Variants in WDR64 observed in about 807,000 individuals in gnomAD.
WDR64 encodes WD repeat-containing protein 64.
WDR64 carries 112 observed loss-of-function variants against 139.3 expected under a neutral mutation model. That is an observed-to-expected ratio of 0.80 (90% CI 0.69 to 0.94). WDR64 has a LOEUF of 0.94. Ranked by LOEUF, WDR64 falls within the 40% of genes least tolerant of loss-of-function variation. The pLI is 0.00. For synonymous variants in WDR64, 444 were observed against 437.7 expected, an observed-to-expected ratio of 1.01 and a Z score of -0.18; for missense variants, 1,206 against 1,293.1, an observed-to-expected ratio of 0.93 and a Z score of 1.03.
chr1:241,788,062 A>C lies in WDR64; in HGVS notation c.2891+28A>C, dbSNP rs554334878. On this transcript the variant is annotated intron_variant, in intron 24 of 27. Transcript: ENST00000437684. ...AAGACCATTAGCTCTTCTTTAGATAAGCATACAAGAATCAAACTGTTGAGA... is the reference window on the plus strand; with the variant it reads ...AAGACCATTAGCTCTTCTTTAGATACGCATACAAGAATCAAACTGTTGAGA... 2.0e-6 allele frequency: 3 copies of C among 1,532,822 alleles called. No individual in the cohort carries two copies. In the South Asian group the frequency reaches 3.9e-5, roughly 20 times the overall value. 95.0% of individuals were successfully genotyped at this position (1,532,822 alleles called of 1,614,324 possible).
intron 9 of WDR64, among the ~76,000 whole-genome samples, chr1:241,716,659 GA>G (rs1338827625): frequency 6.6e-6 from 1 of 151,954 alleles, no homozygotes; most frequent in East Asian, 1.9e-4. Context: ...ATATGATGAT[GA>G]TGATGATGAT....
At chr1:241,782,517 A>C (rs1574093678) in intron 22 of WDR64, among the ~76,000 whole-genome samples, 1 of 152,220 alleles carries the variant, frequency 6.6e-6, no homozygotes, top group South Asian at 2.1e-4. Context: ...CGGGTTTATC[A>C]GTGATAAAGA....
chr1:241,801,988 T>A lies in WDR64; in HGVS notation c.*773T>A. ...CTAACATACAAGGACACCAAACTCT[T>A]AAAGATAAAAGAATGAAAAAAGATG... On this transcript the variant is annotated 3_prime_UTR_variant, in exon 28 of 28. Transcript: ENST00000437684. 7.5e-6 allele frequency: 3 copies of A among 397,710 alleles called. No individual in the cohort carries two copies. The highest frequency in any genetic ancestry group is 1.3e-5 in the Non-Finnish European group (3 of 225,684). The allele number at this position is 397,710 out of a possible 1,614,324, so 24.6% of individuals were successfully genotyped here.
At chr1:241,799,103 T>G (rs1659446715) in intron 27 of WDR64, among the ~76,000 whole-genome samples, 1 of 145,592 alleles carries the variant, frequency 6.9e-6, no homozygotes, top group Admixed American at 7.3e-5. Context: ...CAGTGGCTCA[T>G]GCCTGTAATC....
At chr1:241,662,533 A>G (rs1485765220) in intron 2 of WDR64, among the ~76,000 whole-genome samples, 1 of 152,162 alleles carries the variant, frequency 6.6e-6, no homozygotes, top group Non-Finnish European at 1.5e-5. Context: ...CAGCAGGAGA[A>G]TTTTTCCCTC....
intron 14 of WDR64, among the ~76,000 whole-genome samples, chr1:241,751,270 T>C (rs1669971019): frequency 6.6e-6 from 1 of 151,988 alleles, no homozygotes; most frequent in Non-Finnish European, 1.5e-5. Flanking sequence ...AGCCAGGCCA[T>C]TTTTTTTCCA....
intron 21 of WDR64, among the ~76,000 whole-genome samples, chr1:241,779,655 G>C (rs1252710830): frequency 1.3e-5 from 2 of 151,986 alleles, no homozygotes; most frequent in Non-Finnish European, 2.9e-5. Context: ...GTGAAACCCT[G>C]TCTCTACTAA....
intron 8 of WDR64, among the ~76,000 whole-genome samples, chr1:241,705,493 G>T (rs983248286): frequency 4.6e-5 from 7 of 150,950 alleles, no homozygotes; most frequent in African/African-American, 1.7e-4. Context: ...AGTGAGCCGA[G>T]ATCGCGCCAC....
intron 11 of WDR64, 32 bp downstream of exon 11, chr1:241,738,521 T>C: frequency 6.3e-7 from 1 of 1,580,866 alleles, no homozygotes; most frequent in Non-Finnish European, 8.6e-7. Context: ...CAAACGAAAC[T>C]CATGTCTTGA....
chr1:241,675,262 C>CCTTCCTTCCTTCCTT (rs1666505105), intron 4 of WDR64, among the ~76,000 whole-genome samples: 1 of 116,914 alleles, frequency 8.6e-6, no homozygotes, highest in Non-Finnish European at 1.8e-5. Flanking sequence ...CTTCCTCCCT[C>CCTTCCTTCCTTCCTT]CCTTCCTCCC....
intron 11 of WDR64, among the ~76,000 whole-genome samples, chr1:241,740,184 C>T (rs1404637806): frequency 6.6e-6 from 1 of 152,186 alleles, no homozygotes; most frequent in Non-Finnish European, 1.5e-5. Context: ...ACTCTGGACT[C>T]CACATTCTTT....
intron 17 of WDR64, chr1:241,770,312 C>G (rs1658380084): frequency 4.1e-6 from 1 of 246,740 alleles, no homozygotes; most frequent in Non-Finnish European, 7.6e-6. Flanking sequence ...CCACCCCACC[C>G]CTTGCCATTT....
chr1:241,749,788 G>C (rs1669912645), intron 14 of WDR64, 66 bp downstream of exon 14: 1 of 1,549,902 alleles, frequency 6.5e-7, no homozygotes, highest in Non-Finnish European at 8.8e-7. Context: ...TGAGTCAGTG[G>C]ATAATCCCCA....
Position 241,711,853 on chromosome 1 carries a change from T to C in WDR64, c.1026T>C (p.Cys342=). 6.2e-7 allele frequency: 1 copy of C among 1,614,182 alleles called. No individual in the cohort carries two copies. The change falls in exon 9 of 28, where the codon TGT becomes TGC. Residue 342 remains cysteine (C), a synonymous_variant. Transcript: ENST00000437684. ...GAGGAGCCAACACTTTTTGCTACTG[T>C]GTTAAGGCAAATGTGATTGTCACTG... is the stretch of plus-strand genomic sequence containing the variant. ...MPRGANTFCY[C]VKANVIVTGG...
intron 9 of WDR64, among the ~76,000 whole-genome samples, chr1:241,716,408 G>T (rs1461262684): frequency 6.6e-6 from 1 of 151,982 alleles, no homozygotes; most frequent in Non-Finnish European, 1.5e-5. Context: ...TAGCCTTTTA[G>T]GAATTAAGTT....
chr1:241,702,899 T>C (rs1213553075), intron 8 of WDR64, among the ~76,000 whole-genome samples: 1 of 152,234 alleles, frequency 6.6e-6, no homozygotes, highest in Non-Finnish European at 1.5e-5. Flanking sequence ...AGAGACTTTA[T>C]GGCAAAATCT....
rs928093164 is a variant in WDR64, at chr1:241,656,951, A to G, written c.146-3579A>G. 5.3e-5 allele frequency among the ~76,000 whole-genome samples: 8 copies of G among 150,952 alleles called. No individual in the cohort carries two copies. Among genetic ancestry groups the G allele is most frequent in the Non-Finnish European group, 7.4e-5 (5 of 67,816 alleles). On this transcript the variant is annotated intron_variant, in intron 1 of 27. Transcript: ENST00000437684. This position sits in a 1 kb window ranked among gnomAD's most constrained non-coding sequence, Gnocchi z 4.3. ...AGGTGAGGTGCAAAATCTCCCCTGC[A>G]TAAGAACCACTGCTCTAGATTCCTG...
In WDR64 at chr1:241,703,885, G is replaced by T. The variant is rs115936512; in HGVS notation, c.975-7917G>T. Among the ~76,000 whole-genome samples the T allele has an allele frequency of 0.013, 1,999 of 152,172 alleles. 49 individuals carry two copies. Among genetic ancestry groups the T allele is most frequent in the African/African-American group, 0.046 (1,902 of 41,498 alleles). ...AGAAAAGTGAGCAAAAGAGGAACTT[G>T]CCAAACACTTATAAAATCATCAGAT... On this transcript the variant is annotated intron_variant, in intron 8 of 27. Transcript: ENST00000437684. The surrounding 1 kb of genome is among the most constrained non-coding windows in gnomAD (Gnocchi z 5.9).
In WDR64 at chr1:241,749,488, A is replaced by AT; in HGVS notation, c.1595-59_1595-58insT. 3 of 1,564,856 alleles carry AT rather than the reference A, an allele frequency of 1.9e-6. No homozygotes were observed. In the South Asian group the frequency reaches 3.5e-5, roughly 18 times the overall value. On this transcript the variant is annotated intron_variant, in intron 13 of 27. Coordinates refer to ENST00000437684, the MANE Select transcript of WDR64 (RefSeq NM_001367482.1). ...GATCGGATGAATTTTCTCTGAGCGA[A>AT]AAGCCAAGCTTTCTCTAAGTCATTT... is the stretch of plus-strand genomic sequence containing the variant.
Sources: gnomAD v4.1 joint callset for allele counts (sites outside exome capture counted in the v4.1 genomes callset) on GRCh38, gnomAD v4.1.1 for gene constraint, Gnocchi (gnomAD v3.1) non-coding constraint, MANE v1.5 for transcripts, NCBI Gene and HGNC (gene_info 2026-07-23, HGNC 2026-07-21) for gene names.